TENM1: variants seen among roughly 807,000 people sequenced by gnomAD.
The protein encoded by TENM1 is teneurin-1.
In TENM1, 35 loss-of-function variants were observed where a neutral mutation model predicts 174.8. The ratio of observed to expected loss-of-function variants is 0.20; its 90% CI spans 0.15 to 0.27. The LOEUF (loss-of-function observed/expected upper bound fraction) is 0.27. TENM1 is among the 10% of genes least tolerant of loss of function. The probability of loss-of-function intolerance (pLI) is 1.00; values close to 1 mark genes in which losing one functional copy is unlikely to be tolerated. For synonymous variants in TENM1, 781 were observed against 798.7 expected, an observed-to-expected ratio of 0.98 and a Z score of 0.37; for missense variants, 1,633 against 2,130.1, an observed-to-expected ratio of 0.77 and a Z score of 4.59.
chrX:124,781,935 T>G (rs2054922237), intron 3 of TENM1, among the ~76,000 whole-genome samples: 1 of 111,753 alleles, frequency 8.9e-6, no homozygotes, highest in Admixed American at 9.5e-5. Flanking sequence ...AAGTTAGACC[T>G]CATTTCCCAG....
the TENM1 span, among the ~76,000 whole-genome samples, chrX:125,148,701 T>C: frequency 8.9e-6 from 1 of 111,914 alleles, no homozygotes; most frequent in African/African-American, 3.2e-5. Flanking sequence ...CTCCTTCTCC[T>C]GTGTTCCTGT....
intron 31 of TENM1, among the ~76,000 whole-genome samples, chrX:124,381,555 G>A (rs1357384538): frequency 9.0e-6 from 1 of 111,588 alleles, no homozygotes; most frequent in African/African-American, 3.3e-5. Flanking sequence ...GAATTGCAGA[G>A]CTGGAAGGCA....
At chrX:125,001,373 T>A in the TENM1 span, among the ~76,000 whole-genome samples, 1,462 of 111,522 alleles carry the variant, frequency 0.013, 36 homozygotes, top group African/African-American at 0.044. Flanking sequence ...TTAGGACTAT[T>A]TTCCAGATTT....
chrX:124,514,040 GTGA>G (rs2047642474), intron 18 of TENM1, among the ~76,000 whole-genome samples: 1 of 111,842 alleles, frequency 8.9e-6, no homozygotes. Flanking sequence ...ACTTTGTGGA[GTGA>G]TGATGAAAAT....
chrX:124,602,662 A>G lies in TENM1; in HGVS notation c.2078-37102T>C, dbSNP rs113449333. Among the ~76,000 whole-genome samples, 415 of 110,018 alleles carry G rather than the reference A, an allele frequency of 3.8e-3. 3 individuals are homozygous for G. The highest frequency in any genetic ancestry group is 0.013 in the African/African-American group (388 of 30,313). On this transcript the variant is annotated intron_variant, in intron 11 of 31. Coordinates refer to ENST00000422452, the Ensembl canonical transcript of TENM1. ...GGGAAACGCAGGAGCCTAAGGGGAGATTATAGGCCACTGAAGAGAAACTTT... is the reference window on the plus strand; with the variant it reads ...GGGAAACGCAGGAGCCTAAGGGGAGGTTATAGGCCACTGAAGAGAAACTTT...
chrX:124,674,021 A>T (rs963882711), intron 5 of TENM1, among the ~76,000 whole-genome samples: 12 of 111,017 alleles, frequency 1.1e-4, no homozygotes, highest in Non-Finnish European at 2.3e-4. Flanking sequence ...CAAGGAATGC[A>T]ATGAATTCAG....
At chrX:124,878,860 G>A (rs1013923359) in intron 3 of TENM1, among the ~76,000 whole-genome samples, 1 of 111,421 alleles carries the variant, frequency 9.0e-6, no homozygotes, top group Non-Finnish European at 1.9e-5. Context: ...GCTGGCTCAC[G>A]GAAGACCAGA....
Position 124,582,442 on chromosome X carries a change from T to C in TENM1, c.2078-16882A>G, listed in dbSNP as rs1169825699. 6.2e-5 allele frequency among the ~76,000 whole-genome samples: 7 copies of C among 112,312 alleles called. No individual in the cohort carries two copies. The Admixed American group carries it at 6.6e-4, about 11-fold the overall frequency. The stretch of plus-strand genomic sequence containing the variant: ...TTTTGAAGTTCTCCTTGTAGAGATC[T>C]TTCACCTCCTTGGTTAGATGTATTC... On this transcript the variant is annotated intron_variant, in intron 11 of 31. Transcript: ENST00000422452.
chrX:124,850,638 T>C (rs1190953762), intron 3 of TENM1, among the ~76,000 whole-genome samples: 2 of 111,018 alleles, frequency 1.8e-5, no homozygotes, highest in Non-Finnish European at 3.8e-5. Context: ...ATTTTTCCCA[T>C]GGGCAAAGGC....
At chrX:124,643,525 T>A (rs1462656419) in intron 10 of TENM1, among the ~76,000 whole-genome samples, 1 of 111,412 alleles carries the variant, frequency 9.0e-6, no homozygotes, top group East Asian at 2.8e-4. Context: ...GAAATAGGAA[T>A]TCTCATGTGG....
chrX:124,806,874 A>C (rs2055614238), intron 3 of TENM1, among the ~76,000 whole-genome samples: 1 of 110,891 alleles, frequency 9.0e-6, no homozygotes, highest in African/African-American at 3.3e-5. Context: ...TTTCTGTGTT[A>C]AATCTGTTCT....
At chrX:125,086,819 A>G in the TENM1 span, among the ~76,000 whole-genome samples, 7 of 111,347 alleles carry the variant, frequency 6.3e-5, no homozygotes, top group Admixed American at 6.7e-4. Context: ...AGAGAATTTA[A>G]GGCCATGTTC....
At chrX:124,479,703 C>CT (rs2046804707) in intron 22 of TENM1, among the ~76,000 whole-genome samples, 1 of 111,406 alleles carries the variant, frequency 9.0e-6, no homozygotes, top group Non-Finnish European at 1.9e-5. Flanking sequence ...GGTTTTCAGA[C>CT]TAGCAGCAAC....
chrX:125,172,978 C>T, the TENM1 span, among the ~76,000 whole-genome samples: 3 of 111,386 alleles, frequency 2.7e-5, no homozygotes, highest in Middle Eastern at 9.2e-3. Flanking sequence ...CGACATCTGG[C>T]TTGATAAACC....
chrX:125,147,295 A>G, the TENM1 span, among the ~76,000 whole-genome samples: 3 of 109,956 alleles, frequency 2.7e-5, no homozygotes, highest in African/African-American at 9.9e-5. Context: ...ATACCATACT[A>G]TAGTATATAT....
At chrX:124,425,186 A>G (rs1438857076) in intron 23 of TENM1, among the ~76,000 whole-genome samples, 2 of 112,154 alleles carry the variant, frequency 1.8e-5, no homozygotes, top group African/African-American at 6.5e-5. Context: ...AGCTGTTGCA[A>G]ATAGTGCAGC....
At chrX:124,942,628 T>C (rs1364055264) in intron 1 of TENM1, among the ~76,000 whole-genome samples, 2 of 111,889 alleles carry the variant, frequency 1.8e-5, no homozygotes, top group African/African-American at 6.5e-5. Flanking sequence ...GAAATGGTAA[T>C]GTAATTTAGA....
the TENM1 span, among the ~76,000 whole-genome samples, chrX:125,082,093 A>G: frequency 7.2e-5 from 8 of 110,920 alleles, no homozygotes; most frequent in African/African-American, 2.6e-4. Flanking sequence ...CTTGACCACT[A>G]CATAATCTAT....
intron 16 of TENM1, among the ~76,000 whole-genome samples, chrX:124,523,873 ATT>A (rs745816520): frequency 8.8e-5 from 8 of 90,464 alleles, no homozygotes; most frequent in African/African-American, 8.2e-5. Flanking sequence ...TTGTAAACCA[ATT>A]TTTTTTTTTT....
Sources: gnomAD v4.1 joint callset for allele counts (sites outside exome capture counted in the v4.1 genomes callset) on GRCh38, gnomAD v4.1.1 for gene constraint, MANE v1.5 for transcripts, NCBI Gene and HGNC (gene_info 2026-07-23, HGNC 2026-07-21) for gene names.